The following JAKMIP3 variants were observed in gnomAD, a reference collection of about 807,000 sequenced individuals.
JAKMIP3 encodes janus kinase and microtubule-interacting protein 3.
JAKMIP3 carries 58 observed loss-of-function variants against 118.5 expected under a neutral mutation model. That is an observed-to-expected ratio of 0.49 (90% CI 0.40 to 0.61). The LOEUF is 0.61. Ranked by LOEUF, JAKMIP3 falls within the 20% of genes least tolerant of loss-of-function variation. The pLI is 0.00. For synonymous variants in JAKMIP3, 486 were observed against 451.2 expected, an observed-to-expected ratio of 1.08 and a Z score of -0.98; for missense variants, 950 against 1,109.0, an observed-to-expected ratio of 0.86 and a Z score of 2.04.
At chr10:132,069,817 G>T (rs1045442813) in intron 1 of JAKMIP3, among the ~76,000 whole-genome samples, 2 of 152,230 alleles carry the variant, frequency 1.3e-5, no homozygotes, top group African/African-American at 4.8e-5. Flanking sequence ...GAAGGTGGGG[G>T]CTTCCTGAGC....
chr10:132,056,779 G>T (rs1430592731), intron 1 of JAKMIP3, among the ~76,000 whole-genome samples: 2 of 152,216 alleles, frequency 1.3e-5, no homozygotes, highest in Admixed American at 6.5e-5. Context: ...CAGTGAGGCT[G>T]CTGAATGCCA....
At chr10:132,160,522 G>GA (rs2058037521) in intron 19 of JAKMIP3, among the ~76,000 whole-genome samples, 1 of 20,542 alleles carries the variant, frequency 4.9e-5, no homozygotes, top group Non-Finnish European at 8.5e-5. Context: ...GTGTGATGCT[G>GA]GGGGGGCCTC....
intron 1 of JAKMIP3, among the ~76,000 whole-genome samples, chr10:132,051,470 C>G (rs2038105224): frequency 6.6e-6 from 1 of 152,208 alleles, no homozygotes; most frequent in Non-Finnish European, 1.5e-5. Flanking sequence ...GACCATTTCC[C>G]TGCCTGCTCA....
At chr10:132,036,954 A>ACCCCCTGCCCTGCACAGGCCTCGGCG (rs1482622610) in intron 1 of JAKMIP3, among the ~76,000 whole-genome samples, 3 of 151,094 alleles carry the variant, frequency 2.0e-5, no homozygotes, top group African/African-American at 7.3e-5. Flanking sequence ...TCTCCACGGC[A>ACCCCCTGCCCTGCACAGGCCTCGGCG]CCCCCTGCCC....
intron 1 of JAKMIP3, among the ~76,000 whole-genome samples, chr10:132,091,559 T>A (rs888834443): frequency 6.6e-6 from 1 of 152,186 alleles, no homozygotes; most frequent in African/African-American, 2.4e-5. Flanking sequence ...TCTTTGTTGG[T>A]TTAAAGTCTG....
chr10:132,071,900 T>TTCCTTTC (rs1554918110), intron 1 of JAKMIP3, among the ~76,000 whole-genome samples: 155 of 42,444 alleles, frequency 3.7e-3, no homozygotes, highest in Middle Eastern at 0.014. Context: ...TTCCTTTCTT[T>TTCCTTTC]CTTCCCTTCC....
chr10:132,062,612 T>C (rs773669756), upstream of JAKMIP3, among the ~76,000 whole-genome samples: 9 of 152,180 alleles, frequency 5.9e-5, no homozygotes, highest in Admixed American at 2.0e-4. Flanking sequence ...CAAAAGGATA[T>C]GTAGAGTATG....
At chr10:132,127,735 A>G (rs1221188731) in intron 3 of JAKMIP3, among the ~76,000 whole-genome samples, 1 of 151,560 alleles carries the variant, frequency 6.6e-6, no homozygotes, top group Non-Finnish European at 1.5e-5. Flanking sequence ...GGGTTATCCC[A>G]TGGGGTTATC....
chr10:132,070,296 C>T (rs775662850), intron 1 of JAKMIP3, among the ~76,000 whole-genome samples: 7 of 152,144 alleles, frequency 4.6e-5, no homozygotes, highest in African/African-American at 1.4e-4. Flanking sequence ...TACAGGTGTC[C>T]GCCACCACAC....
At chr10:132,122,049 C>T (rs1358018610) in intron 3 of JAKMIP3, among the ~76,000 whole-genome samples, 20 of 152,242 alleles carry the variant, frequency 1.3e-4, no homozygotes, top group Non-Finnish European at 4.4e-5. Context: ...GTTCACTACT[C>T]AGTCCCCAGC....
chr10:132,147,231 T>C (rs929291714), intron 13 of JAKMIP3, among the ~76,000 whole-genome samples: 1 of 152,134 alleles, frequency 6.6e-6, no homozygotes, highest in East Asian at 1.9e-4. Context: ...GCTTCTGAGT[T>C]TATCTTGGTC....
chr10:132,135,174 G>A lies in JAKMIP3; in HGVS notation c.969+14G>A, dbSNP rs1267538120. The A allele has an allele frequency of 6.3e-7, 1 of 1,590,818 alleles. No homozygotes were observed. Among genetic ancestry groups the A allele is most frequent in the South Asian group, 1.1e-5 (1 of 90,270 alleles). On this transcript the variant is annotated intron_variant, in intron 5 of 23. Transcript: ENST00000684848. ...AGGAATGAGCTGGTGAGCGCGGGCG[G>A]GGGCTTCTGGCTCCTGGGGGTTTGT...
At position 132,145,599 on chromosome 10, in the gene JAKMIP3, G is replaced by A. The variant is rs781099300; in HGVS notation, c.1749+19G>A. ...GGAAAAGGTGAGCCCCGAACCCCTG[G>A]AGGCCCTGGCAGGACTCGCTCTATG... On this transcript the variant is annotated intron_variant, in intron 13 of 23. Coordinates refer to ENST00000684848, the MANE Select transcript of JAKMIP3 (RefSeq NM_001323087.2). The A allele has an allele frequency of 6.4e-7, 1 of 1,555,722 alleles. No individual in the cohort carries two copies. The highest frequency in any genetic ancestry group is 8.7e-7 in the Non-Finnish European group (1 of 1,149,416).
chr10:132,141,580 G>A lies in JAKMIP3; in HGVS notation c.1474-340G>A, dbSNP rs117040105. 5.6e-4 allele frequency among the ~76,000 whole-genome samples: 86 copies of A among 152,218 alleles called. 1 individual carries two copies. The East Asian group carries it at 0.015, about 27-fold the overall frequency. On this transcript the variant is annotated intron_variant, in intron 10 of 23. Coordinates refer to ENST00000684848, the MANE Select transcript of JAKMIP3 (RefSeq NM_001323087.2). The stretch of plus-strand genomic sequence containing the variant: ...GTAACAGAGGGTCTGCTGGGTCAGG[G>A]CAGCCTGGCTAGCAAGCAGGAGCCC...
At chr10:132,114,933 A>G (rs1487739876) in intron 2 of JAKMIP3, among the ~76,000 whole-genome samples, 1 of 152,218 alleles carries the variant, frequency 6.6e-6, no homozygotes, top group African/African-American at 2.4e-5. Context: ...TGATTTAAAA[A>G]ATATTTGAAT....
At position 132,112,556 on chromosome 10, in the gene JAKMIP3, A is replaced by AT. The variant is rs2047032104; in HGVS notation, c.136-4521_136-4520insT. The stretch of plus-strand genomic sequence containing the variant: ...TCTTTTCTTCAGTGTTTTTGTCTAC[A>AT]AAGTCCCGCTTGGCTCTGTGTTCAC... On this transcript the variant is annotated intron_variant, in intron 2 of 23. Coordinates refer to ENST00000684848, the MANE Select transcript of JAKMIP3 (RefSeq NM_001323087.2). The surrounding 1 kb of genome is among the most constrained non-coding windows in gnomAD (Gnocchi z 4.3). Among the ~76,000 whole-genome samples, 1 of 152,150 alleles carries AT rather than the reference A, an allele frequency of 6.6e-6. No individual in the cohort carries two copies. Among genetic ancestry groups the AT allele is most frequent in the African/African-American group, 2.4e-5 (1 of 41,428 alleles).
intron 23 of JAKMIP3, among the ~76,000 whole-genome samples, chr10:132,169,579 A>T (rs2059273269): frequency 6.6e-6 from 1 of 150,948 alleles, no homozygotes; most frequent in South Asian, 2.1e-4. Context: ...TGTCTGTGGG[A>T]CTCAGCGGGG....
intron 23 of JAKMIP3, among the ~76,000 whole-genome samples, chr10:132,180,544 T>TGTGCGCGC (rs1269903177): frequency 3.8e-5 from 1 of 25,994 alleles, no homozygotes; most frequent in African/African-American, 2.2e-4. Context: ...TGTGTGTGTG[T>TGTGCGCGC]GCGTGCGTGC....
rs372132098 is a variant in JAKMIP3, at chr10:132,117,341, G to C, written c.400G>C (p.Val134Leu). The change falls in exon 3 of 24, where the codon GTG becomes CTG. Residue 134 changes from valine (V) to leucine (L), a missense_variant. Coordinates refer to ENST00000684848, the MANE Select transcript of JAKMIP3 (RefSeq NM_001323087.2). This position sits in a 1 kb window ranked among gnomAD's most constrained non-coding sequence, Gnocchi z 8.6. ...TGGCGGCCCCGAAAAGGTCAAGACC[G>C]TGCTGCTGTCCGAGGCCAAGGAGGA... ...RDGGPEKVKT[V>L]LLSEAKEEAK... is the part of the protein sequence containing the mutation. 6.2e-7 allele frequency: 1 copy of C among 1,613,978 alleles called. No homozygotes were observed. The highest frequency in any genetic ancestry group is 1.3e-5 in the African/African-American group (1 of 75,036).
Sources: allele counts gnomAD v4.1 joint callset (sites outside exome capture counted in the v4.1 genomes callset), GRCh38; gene constraint gnomAD v4.1.1; non-coding constraint Gnocchi (gnomAD v3.1); transcripts MANE v1.5; gene names NCBI Gene and HGNC (gene_info 2026-07-23, HGNC 2026-07-21).